Variants in TEN1 observed in about 807,000 individuals in gnomAD.
The protein encoded by TEN1 is CST complex subunit TEN1.
A neutral mutation model predicts 9.3 loss-of-function variants in TEN1; 6 were observed. The ratio of observed to expected loss-of-function variants is 0.65; its 90% CI spans 0.35 to 1.27. The LOEUF (loss-of-function observed/expected upper bound fraction) is 1.27, where lower values mean the gene tolerates loss of function less well. Ranked by LOEUF, TEN1 falls within the 50% of genes most tolerant of loss-of-function variation. The pLI is 0.03. For missense variants in TEN1, 149 were observed against 158.2 expected, an observed-to-expected ratio of 0.94 and a Z score of 0.31; for synonymous variants, 65 against 65.6, an observed-to-expected ratio of 0.99 and a Z score of 0.04.
At chr17:75,995,607 G>T (rs111353923) in intron 3 of TEN1, among the ~76,000 whole-genome samples, 45 of 152,182 alleles carry the variant, frequency 3.0e-4, no homozygotes, top group African/African-American at 1.1e-3. Flanking sequence ...GCCATCCAAA[G>T]GCCCGAGGGC....
chr17:75,998,990 C>CA, intron 3 of TEN1, among the ~76,000 whole-genome samples: 1 of 150,388 alleles, frequency 6.6e-6, no homozygotes, highest in East Asian at 2.0e-4. Flanking sequence ...AGCATGAGTG[C>CA]AAAAAATTTT....
At chr17:75,979,629 C>G (rs922769987) in intron 1 of TEN1, 118 bp downstream of exon 1, 47 of 195,520 alleles carry the variant, frequency 2.4e-4, no homozygotes, top group Middle Eastern at 2.5e-3. Context: ...GCCCCTAGGC[C>G]TCTCCGAAAT....
intron 2 of TEN1, among the ~76,000 whole-genome samples, chr17:75,989,483 C>T (rs2066172463): frequency 1.3e-5 from 2 of 151,736 alleles, no homozygotes; most frequent in Admixed American, 1.3e-4. Context: ...GTGAGCTTGG[C>T]TCACTGCAAC....
At chr17:75,985,189 C>T (rs373531703) in intron 1 of TEN1, among the ~76,000 whole-genome samples, 5 of 152,110 alleles carry the variant, frequency 3.3e-5, no homozygotes, top group Admixed American at 6.5e-5. Flanking sequence ...ACTCTATTGC[C>T]GAGGCTACAG....
intron 3 of TEN1, among the ~76,000 whole-genome samples, chr17:75,992,034 G>A (rs1285792211): frequency 1.5e-4 from 19 of 130,008 alleles, no homozygotes; most frequent in Non-Finnish European, 2.7e-4. Context: ...ATGACAGAGT[G>A]AGACTCCGTC....
intron 2 of TEN1, among the ~76,000 whole-genome samples, chr17:75,988,852 C>T (rs1057416394): frequency 1.3e-5 from 2 of 150,992 alleles, no homozygotes; most frequent in African/African-American, 2.4e-5. Flanking sequence ...CTCACTGCAA[C>T]CTCTGCCTGC....
chr17:75,980,399 T>G (rs2066108976), intron 1 of TEN1, among the ~76,000 whole-genome samples: 1 of 151,908 alleles, frequency 6.6e-6, no homozygotes, highest in African/African-American at 2.4e-5. Flanking sequence ...ACAAGGGAGA[T>G]TCAGGGATTT....
intron 3 of TEN1, among the ~76,000 whole-genome samples, chr17:75,992,606 G>A (rs543259235): frequency 3.4e-3 from 492 of 144,088 alleles, no homozygotes; most frequent in Non-Finnish European, 5.5e-3. Context: ...TCCGCCTCCC[G>A]GGTTCACGCC....
chr17:75,979,463 C>T lies in TEN1; in HGVS notation c.-55C>T. ...TCCCGCCCCTCCCCCGTCACGTGAC[C>T]ACGCGAGGCGGAAAGAAGAAATCCG... On this transcript the variant is annotated 5_prime_UTR_variant, in exon 1 of 4. Transcript: ENST00000397640. 3 of 345,202 alleles carry T rather than the reference C, an allele frequency of 8.7e-6. 1 individual carries two copies. Among genetic ancestry groups the T allele is most frequent in the South Asian group, 4.7e-5 (2 of 42,618 alleles). The allele number at this position is 345,202 out of a possible 1,614,324, so 21.4% of individuals were successfully genotyped here.
chr17:75,999,532 G>A (rs1349477292), intron 3 of TEN1, among the ~76,000 whole-genome samples: 1 of 151,954 alleles, frequency 6.6e-6, no homozygotes, highest in African/African-American at 2.4e-5. Context: ...TAGTAGAGAT[G>A]GGGTTTCATC....
chr17:75,979,731 C>A (rs557820099), intron 1 of TEN1, among the ~76,000 whole-genome samples: 1 of 151,950 alleles, frequency 6.6e-6, no homozygotes, highest in Non-Finnish European at 1.5e-5. Context: ...CCAAATCCAC[C>A]CGGATTGGAG....
chr17:75,991,353 G>A lies in TEN1; in HGVS notation c.93-113G>A, dbSNP rs1359673268. Reference sequence around the variant, plus strand: ...TTGTTGCTGCAATTTGCATTTCTGTGATGAGACTGAGGCTGAACACTTTTC... The same window carrying A: ...TTGTTGCTGCAATTTGCATTTCTGTAATGAGACTGAGGCTGAACACTTTTC... On this transcript the variant is annotated intron_variant, in intron 2 of 3. Coordinates refer to ENST00000397640, the MANE Select transcript of TEN1 (RefSeq NM_001113324.3). The A allele has an allele frequency of 9.7e-6, 11 of 1,133,598 alleles. No individual in the cohort carries two copies. The Admixed American group carries it at 1.7e-4, about 18-fold the overall frequency. The allele number at this position is 1,133,598 out of a possible 1,614,324, so 70.2% of individuals were successfully genotyped here.
At chr17:75,998,974 A>G (rs2066234802) in intron 3 of TEN1, among the ~76,000 whole-genome samples, 2 of 152,162 alleles carry the variant, frequency 1.3e-5, no homozygotes, top group Non-Finnish European at 2.9e-5. Context: ...CTCAGAGAGC[A>G]GAAAGAGCAT....
rs921853855 is a variant in TEN1, at chr17:76,000,336, C to T, written c.*74C>T. 2.7e-6 allele frequency: 4 copies of T among 1,478,298 alleles called. No individual in the cohort carries two copies. The highest frequency in any genetic ancestry group is 2.7e-6 in the Non-Finnish European group (3 of 1,107,646). 91.6% of individuals were successfully genotyped at this position (1,478,298 alleles called of 1,614,324 possible). A position where few individuals can be genotyped will look rare whatever the true frequency, so the allele number is the denominator to read the frequency against. On this transcript the variant is annotated 3_prime_UTR_variant, in exon 4 of 4. Coordinates refer to ENST00000397640, the MANE Select transcript of TEN1 (RefSeq NM_001113324.3). This position sits in a 1 kb window ranked among gnomAD's most constrained non-coding sequence, Gnocchi z 5.9. ...CTGGAGCTGCAGGAGCCCGGGAGAG[C>T]ACAGACGCCTCCCCAGCGACGGCCT... is the stretch of plus-strand genomic sequence containing the variant.
chr17:75,981,433 C>G (rs1396224861), intron 1 of TEN1, among the ~76,000 whole-genome samples: 1 of 151,926 alleles, frequency 6.6e-6, no homozygotes, highest in East Asian at 1.9e-4. Flanking sequence ...GTGATCCGCT[C>G]GCCTCAGCCT....
intron 3 of TEN1, among the ~76,000 whole-genome samples, chr17:75,994,294 C>T (rs538954985): frequency 2.7e-5 from 4 of 148,714 alleles, no homozygotes; most frequent in East Asian, 2.1e-4. Flanking sequence ...ATTAGCTGGG[C>T]GTGGTGGTGC....
chr17:75,984,263 A>G (rs1294898366), intron 1 of TEN1, among the ~76,000 whole-genome samples: 2 of 152,184 alleles, frequency 1.3e-5, no homozygotes, highest in African/African-American at 4.8e-5. Flanking sequence ...CTATCAAACT[A>G]TGACTCTGAG....
At chr17:75,988,665 CT>C (rs2066167153) in intron 2 of TEN1, among the ~76,000 whole-genome samples, 1 of 151,168 alleles carries the variant, frequency 6.6e-6, no homozygotes. Context: ...ATTTACTTAG[CT>C]GTGTATGGTA....
chr17:75,995,598 C>T (rs1397357857), intron 3 of TEN1, among the ~76,000 whole-genome samples: 1 of 152,194 alleles, frequency 6.6e-6, no homozygotes, highest in Non-Finnish European at 1.5e-5. Context: ...CCCGCTGGCG[C>T]CATCCAAAGG....
Sources: gnomAD v4.1 joint callset for allele counts (sites outside exome capture counted in the v4.1 genomes callset) on GRCh38, gnomAD v4.1.1 for gene constraint, Gnocchi (gnomAD v3.1) non-coding constraint, MANE v1.5 for transcripts, NCBI Gene and HGNC (gene_info 2026-07-23, HGNC 2026-07-21) for gene names.